The following TENM2 variants were observed in gnomAD, a reference collection of about 807,000 sequenced individuals.
TENM2 encodes teneurin transmembrane protein 2.
A neutral mutation model predicts 245.2 loss-of-function variants in TENM2; 52 were observed. The ratio of observed to expected loss-of-function variants is 0.21; its 90% CI spans 0.17 to 0.27. The LOEUF (loss-of-function observed/expected upper bound fraction) is 0.27, where lower values mean the gene tolerates loss of function less well. Among genes scored for constraint, TENM2 ranks in the 10% least tolerant of loss-of-function variants. The probability of loss-of-function intolerance (pLI) is 1.00; values close to 1 mark genes in which losing one functional copy is unlikely to be tolerated. For synonymous variants in TENM2, 1,363 were observed against 1,438.9 expected (o/e 0.95, Z 1.19); for missense variants, 3,046 against 3,666.8 (o/e 0.83, Z 4.37).
chr5:168,106,787 G>T (rs1238490055), intron 9 of TENM2, among the ~76,000 whole-genome samples: 1 of 152,212 alleles, frequency 6.6e-6, no homozygotes, highest in African/African-American at 2.4e-5. Context: ...CTGGCCAGGT[G>T]CAGTGGCTCA....
At chr5:167,243,108 C>T in the TENM2 span, among the ~76,000 whole-genome samples, 11 of 151,434 alleles carry the variant, frequency 7.3e-5, no homozygotes, top group Admixed American at 2.0e-4. Context: ...GGATAAAATT[C>T]GCATCTTACA....
rs899532981 is a variant in TENM2 at position 168,064,363 on chromosome 5, G to A, written c.1515+2098G>A. On this transcript the variant is annotated intron_variant, in intron 7 of 28. Transcript: ENST00000518659. ...CCTCTCAACCAGTTGCATGCAAGGAGCTTTGCTAAGAAAACTACTTCTTCC... is the reference window on the plus strand; with the variant it reads ...CCTCTCAACCAGTTGCATGCAAGGAACTTTGCTAAGAAAACTACTTCTTCC... Among the ~76,000 whole-genome samples, 6 of 152,260 alleles carry A rather than the reference G, an allele frequency of 3.9e-5. No individual in the cohort carries two copies. The East Asian group carries it at 1.2e-3, about 29-fold the overall frequency.
chr5:167,018,352 A>G, the TENM2 span, among the ~76,000 whole-genome samples: 4 of 151,852 alleles, frequency 2.6e-5, no homozygotes, highest in Non-Finnish European at 5.9e-5. Flanking sequence ...AAAATGCTTG[A>G]TAGCTGAAAG....
intron 2 of TENM2, among the ~76,000 whole-genome samples, chr5:167,706,239 A>G (rs1758513419): frequency 6.9e-6 from 1 of 145,940 alleles, no homozygotes; most frequent in African/African-American, 2.5e-5. Context: ...ATATTATTAT[A>G]TAGTATACTA....
At chr5:167,527,306 C>T (rs913411668) in intron 2 of TENM2, among the ~76,000 whole-genome samples, 15 of 152,076 alleles carry the variant, frequency 9.9e-5, no homozygotes, top group African/African-American at 3.4e-4. Context: ...AACAGTCCCC[C>T]ACCCACCACA....
chr5:167,047,566 G>T, the TENM2 span, among the ~76,000 whole-genome samples: 2 of 152,186 alleles, frequency 1.3e-5, no homozygotes, highest in Non-Finnish European at 2.9e-5. Flanking sequence ...TCAATTAAAG[G>T]CAGGTATTAG....
the TENM2 span, among the ~76,000 whole-genome samples, chr5:166,997,846 A>T: frequency 1.3e-5 from 2 of 152,184 alleles, no homozygotes; most frequent in African/African-American, 4.8e-5. Context: ...CTGAGGTAGT[A>T]AATAAGCATA....
chr5:167,920,470 C>T (rs1777280705), intron 3 of TENM2, among the ~76,000 whole-genome samples: 1 of 150,748 alleles, frequency 6.6e-6, no homozygotes, highest in Admixed American at 6.6e-5. Context: ...GTGAGCCAAG[C>T]TCGTGCCACT....
chr5:167,698,730 C>G (rs1757951717), intron 2 of TENM2, among the ~76,000 whole-genome samples: 1 of 140,472 alleles, frequency 7.1e-6, no homozygotes, highest in Non-Finnish European at 1.5e-5. Context: ...TTTGCCCCGG[C>G]TAGAGTGCAG....
chr5:167,745,282 C>G (rs911019056), intron 2 of TENM2, among the ~76,000 whole-genome samples: 2 of 152,204 alleles, frequency 1.3e-5, no homozygotes, highest in Non-Finnish European at 2.9e-5. Flanking sequence ...CAACCATCCT[C>G]TATAATTCTG....
At chr5:167,520,339 T>A (rs74631863) in intron 2 of TENM2, among the ~76,000 whole-genome samples, 2,990 of 152,222 alleles carry the variant, frequency 0.02, 51 homozygotes, top group South Asian at 0.042. Flanking sequence ...TAAAGAGATA[T>A]CTCAAAGAGT....
intron 4 of TENM2, among the ~76,000 whole-genome samples, chr5:167,969,898 C>T (rs953469537): frequency 6.6e-6 from 1 of 152,180 alleles, no homozygotes. Context: ...AGGCCTGGAT[C>T]ACGTGCCCAT....
chr5:167,950,469 G>A (rs1399679153), intron 3 of TENM2, among the ~76,000 whole-genome samples: 1 of 152,064 alleles, frequency 6.6e-6, no homozygotes, highest in African/African-American at 2.4e-5. Context: ...GAGGGTGGGG[G>A]GCCAGGACAG....
At chr5:168,112,608 G>GC (rs67722550) in intron 9 of TENM2, among the ~76,000 whole-genome samples, 3 of 133,840 alleles carry the variant, frequency 2.2e-5, no homozygotes, top group African/African-American at 8.2e-5. Context: ...GCAGTGGGCG[G>GC]GGGGGGGGTC....
At chr5:168,135,779 C>G (rs1754996385) in intron 12 of TENM2, among the ~76,000 whole-genome samples, 1 of 152,078 alleles carries the variant, frequency 6.6e-6, no homozygotes, top group South Asian at 2.1e-4. Context: ...TCATTGTAAT[C>G]AGTAAAGGAG....
rs553617557 is a variant in TENM2, at chr5:167,577,350, A to T, written c.502+201877A>T. On this transcript the variant is annotated intron_variant, in intron 2 of 28. Coordinates refer to ENST00000518659, the Ensembl canonical transcript of TENM2. ...CGGTTTTCTTACTTTAAGCCGACCT[A>T]GTTCTTTGCTGGTGGATTCTTCTTT... Among the ~76,000 whole-genome samples, 14 of 152,248 alleles carry T rather than the reference A, an allele frequency of 9.2e-5. No homozygotes were observed. In the South Asian group the frequency reaches 2.3e-3, roughly 25 times the overall value.
chr5:167,085,566 G>A, the TENM2 span, among the ~76,000 whole-genome samples: 1 of 152,096 alleles, frequency 6.6e-6, no homozygotes, highest in Non-Finnish European at 1.5e-5. Flanking sequence ...TGAGATAGAT[G>A]TTACGGCTAT....
chr5:167,074,256 A>T, the TENM2 span, among the ~76,000 whole-genome samples: 2 of 152,112 alleles, frequency 1.3e-5, no homozygotes, highest in African/African-American at 4.8e-5. Flanking sequence ...AATTAGACAA[A>T]CCAGTGGAAA....
chr5:167,118,168 C>G, the TENM2 span, among the ~76,000 whole-genome samples: 2 of 152,104 alleles, frequency 1.3e-5, no homozygotes, highest in Non-Finnish European at 2.9e-5. Context: ...ATTTGATATT[C>G]TATACATTTT....
Sources: allele counts gnomAD v4.1 joint callset (sites outside exome capture counted in the v4.1 genomes callset), GRCh38; gene constraint gnomAD v4.1.1; transcripts MANE v1.5; gene names NCBI Gene and HGNC (gene_info 2026-07-23, HGNC 2026-07-21).